The following ARMC9 variants were observed in gnomAD, a reference collection of about 807,000 sequenced individuals.
The protein encoded by ARMC9 is armadillo repeat containing 9, also known as lisH domain-containing protein ARMC9.
Under a neutral mutation model 107.0 loss-of-function variants are expected in ARMC9, and 94 were observed. The ratio of observed to expected loss-of-function variants is 0.88; its 90% CI spans 0.74 to 1.04. The LOEUF (loss-of-function observed/expected upper bound fraction) is 1.04, where lower values mean the gene tolerates loss of function less well. Ranked by LOEUF, ARMC9 falls within the 50% of genes least tolerant of loss-of-function variation. ARMC9 has a pLI of 0.00. For missense variants in ARMC9, 942 were observed against 1,030.1 expected (o/e 0.91, Z 1.17); for synonymous variants, 380 against 396.9 (o/e 0.96, Z 0.51).
rs191148912 is a variant in ARMC9, at chr2:231,209,457, C to G, written c.177+1205C>G. 8.5e-5 allele frequency among the ~76,000 whole-genome samples: 13 copies of G among 152,342 alleles called. 1 individual carries two copies. Among genetic ancestry groups the G allele is most frequent in the African/African-American group, 3.1e-4 (13 of 41,584 alleles). On this transcript the variant is annotated intron_variant, in intron 3 of 24. Transcript: ENST00000611582. Reference sequence around the variant, plus strand: ...ATTTGTAATATGCCAGGTAAGTAATCAGTTCACCTAGAATATTTCCATTGA... The same window carrying G: ...ATTTGTAATATGCCAGGTAAGTAATGAGTTCACCTAGAATATTTCCATTGA...
At chr2:231,313,030 G>A (rs578017873) in intron 19 of ARMC9, among the ~76,000 whole-genome samples, 1 of 152,200 alleles carries the variant, frequency 6.6e-6, no homozygotes, top group African/African-American at 2.4e-5. Context: ...TATCCTTAGT[G>A]TTTTTTTCTG....
intron 14 of ARMC9, among the ~76,000 whole-genome samples, chr2:231,273,898 A>C (rs2039548339): frequency 6.6e-6 from 1 of 151,288 alleles, no homozygotes; most frequent in Non-Finnish European, 1.5e-5. Flanking sequence ...ATTTACAGTC[A>C]CTCCTCATTC....
At chr2:231,280,855 G>A (rs2040164402) in intron 16 of ARMC9, among the ~76,000 whole-genome samples, 2 of 152,128 alleles carry the variant, frequency 1.3e-5, no homozygotes, top group African/African-American at 4.8e-5. Flanking sequence ...TGCTGCCCCA[G>A]AAACATGAAA....
intron 19 of ARMC9, among the ~76,000 whole-genome samples, chr2:231,316,674 A>T (rs888186882): frequency 6.6e-6 from 1 of 151,882 alleles, no homozygotes; most frequent in Non-Finnish European, 1.5e-5. Context: ...CAAAAAAAAA[A>T]AAGAAAGAAA....
chr2:231,210,191 A>G lies in ARMC9; in HGVS notation c.177+1939A>G, dbSNP rs569282540. Among the ~76,000 whole-genome samples, 247 of 152,216 alleles carry G rather than the reference A, an allele frequency of 1.6e-3. 1 individual carries two copies. Among genetic ancestry groups the G allele is most frequent in the African/African-American group, 5.8e-3 (241 of 41,524 alleles). On this transcript the variant is annotated intron_variant, in intron 3 of 24. Transcript: ENST00000611582. ...CCCGTGGAGCTCAAGGCAGGGCTGA[A>G]CCCTCTGCCTGCTCCGCTTCAGGCC...
chr2:231,363,746 G>A (rs191277019), intron 23 of ARMC9, among the ~76,000 whole-genome samples: 3 of 151,948 alleles, frequency 2.0e-5, no homozygotes, highest in South Asian at 2.1e-4. Context: ...TTAGCTGGGC[G>A]TGGTGGCACG....
chr2:231,281,489 T>C (rs1271370021), intron 16 of ARMC9, among the ~76,000 whole-genome samples: 1 of 152,126 alleles, frequency 6.6e-6, no homozygotes, highest in Non-Finnish European at 1.5e-5. Flanking sequence ...CCTTTCCAAC[T>C]GGGCTCTATG....
intron 13 of ARMC9, among the ~76,000 whole-genome samples, chr2:231,272,052 T>C (rs1266509593): frequency 2.6e-5 from 4 of 152,214 alleles, no homozygotes; most frequent in Non-Finnish European, 5.9e-5. Flanking sequence ...GAATTATGTT[T>C]AGCTCACAAG....
At chr2:231,302,459 T>TTTTTTTTTTTTC (rs1559431380) in intron 19 of ARMC9, among the ~76,000 whole-genome samples, 1 of 146,310 alleles carries the variant, frequency 6.8e-6, no homozygotes, top group Non-Finnish European at 1.5e-5. Flanking sequence ...TTTTTTTTTT[T>TTTTTTTTTTTTC]TTTGCCAATC....
intron 19 of ARMC9, among the ~76,000 whole-genome samples, chr2:231,310,468 C>T (rs1350688868): frequency 1.4e-5 from 2 of 143,880 alleles, no homozygotes; most frequent in South Asian, 2.2e-4. Context: ...CAATGGCTCA[C>T]GCCTGTAATC....
intron 5 of ARMC9, among the ~76,000 whole-genome samples, chr2:231,221,255 G>A (rs570234759): frequency 1.2e-4 from 18 of 152,234 alleles, no homozygotes; most frequent in East Asian, 1.9e-4. Context: ...TCCCATGGCC[G>A]TCTTCCTTCT....
chr2:231,329,057 A>G (rs4972987), intron 19 of ARMC9, among the ~76,000 whole-genome samples: 63,879 of 151,046 alleles, frequency 0.42, 14,844 homozygotes, highest in African/African-American at 0.63. Flanking sequence ...TCCTGACCTC[A>G]TGGTCCACCC....
intron 19 of ARMC9, among the ~76,000 whole-genome samples, chr2:231,300,520 C>A (rs62197352): frequency 6.6e-6 from 1 of 152,076 alleles, no homozygotes; most frequent in Admixed American, 6.5e-5. Flanking sequence ...AGGCACTGTT[C>A]TAGGCGCCTT....
intron 8 of ARMC9, among the ~76,000 whole-genome samples, chr2:231,237,175 C>CGTATGCGTGT (rs1553601758): frequency 1.3e-5 from 2 of 148,804 alleles, no homozygotes; most frequent in Non-Finnish European, 3.0e-5. Context: ...TCTGCGTATG[C>CGTATGCGTGT]GTGTGTGTGT....
chr2:231,249,673 T>C (rs2037108452), intron 9 of ARMC9, among the ~76,000 whole-genome samples: 1 of 152,178 alleles, frequency 6.6e-6, no homozygotes, highest in Non-Finnish European at 1.5e-5. Context: ...GAAGGGAGCC[T>C]GGCACGGGGC....
Position 231,296,178 on chromosome 2 carries a change from G to GATT in ARMC9, c.1718-19_1718-17dup. Reference sequence around the variant, plus strand: ...TCCCACTGTTTATCCATTATTCATTGATTCTTTTTTTCTTTATAGAAGAGC... The same window carrying GATT: ...TCCCACTGTTTATCCATTATTCATTGATTATTCTTTTTTTCTTTATAGAAGAGC... On this transcript the variant is annotated intron_variant, in intron 18 of 24. Transcript: ENST00000611582. The GATT allele has an allele frequency of 1.9e-6, 3 of 1,597,446 alleles. No individual in the cohort carries two copies. Among genetic ancestry groups the GATT allele is most frequent in the Non-Finnish European group, 2.6e-6 (3 of 1,166,964 alleles).
chr2:231,259,732 C>A (rs1363202283), intron 11 of ARMC9, among the ~76,000 whole-genome samples: 1 of 152,196 alleles, frequency 6.6e-6, no homozygotes, highest in East Asian at 1.9e-4. Context: ...GTGGCTCATG[C>A]CTGTAATCCC....
Position 231,225,335 on chromosome 2 carries a change from C to G in ARMC9, c.598-1439C>G, listed in dbSNP as rs544249247. On this transcript the variant is annotated intron_variant, in intron 6 of 24. Transcript: ENST00000611582. ...CCAGGAATTGGTCCAGGCTGTACAC[C>G]CAAGAGCTATATACCCTAGCTATAT... 5.7e-4 allele frequency among the ~76,000 whole-genome samples: 87 copies of G among 152,198 alleles called. No homozygotes were observed. In the South Asian group the frequency reaches 0.018, roughly 31 times the overall value.
chr2:231,345,776 A>G (rs1559492897), intron 21 of ARMC9, among the ~76,000 whole-genome samples: 1 of 152,228 alleles, frequency 6.6e-6, no homozygotes, highest in African/African-American at 2.4e-5. Context: ...ACCTCCATAT[A>G]TTCATTCAAC....
Sources: gnomAD v4.1 joint callset for allele counts (sites outside exome capture counted in the v4.1 genomes callset) on GRCh38, gnomAD v4.1.1 for gene constraint, MANE v1.5 for transcripts, NCBI Gene and HGNC (gene_info 2026-07-23, HGNC 2026-07-21) for gene names.